The following DGKI variants were observed in gnomAD, a reference collection of about 807,000 sequenced individuals.
The protein encoded by DGKI is diacylglycerol kinase iota, also known as DAG kinase iota.
DGKI carries 55 observed loss-of-function variants against 147.5 expected under a neutral mutation model. That is an observed-to-expected ratio of 0.37 (90% confidence interval 0.30 to 0.47). The LOEUF (loss-of-function observed/expected upper bound fraction) is 0.47. Ranked by LOEUF, DGKI falls within the 20% of genes least tolerant of loss-of-function variation. The pLI is 1.00. For missense variants in DGKI, 1,007 were observed against 1,323.8 expected, an observed-to-expected ratio of 0.76 and a Z score of 3.71; for synonymous variants, 469 against 477.1, an observed-to-expected ratio of 0.98 and a Z score of 0.22.
rs1025055611 is a variant in DGKI, at chr7:137,381,211, T to C, written c.*10009A>G. The C allele has an allele frequency of 6.6e-6, 1 of 151,836 alleles. No individual in the cohort carries two copies. Among genetic ancestry groups the C allele is most frequent in the Non-Finnish European group, 1.5e-5 (1 of 67,948 alleles). 9.4% of individuals were successfully genotyped at this position (151,836 alleles called of 1,614,324 possible). On this transcript the variant is annotated 3_prime_UTR_variant, in exon 33 of 33. Transcript: ENST00000614521. ...CAGTGATCAAGATACTTTATATAAA[T>C]AGGAAATGCAAGAAAATTAGGGAAA... is the stretch of plus-strand genomic sequence containing the variant.
intron 1 of DGKI, among the ~76,000 whole-genome samples, chr7:137,823,396 G>GTA (rs947082991): frequency 2.0e-5 from 3 of 152,258 alleles, no homozygotes; most frequent in Admixed American, 1.3e-4. Flanking sequence ...AAGGTAAAAT[G>GTA]TATATATATT....
At chr7:137,582,233 G>A (rs574537201) in intron 14 of DGKI, among the ~76,000 whole-genome samples, 1 of 152,158 alleles carries the variant, frequency 6.6e-6, no homozygotes, top group East Asian at 1.9e-4. Context: ...TATGCTGAAG[G>A]ATATATATTT....
chr7:137,702,628 T>C, intron 1 of DGKI, among the ~76,000 whole-genome samples: 1 of 152,116 alleles, frequency 6.6e-6, no homozygotes, highest in East Asian at 1.9e-4. Flanking sequence ...ATCTCTCAGC[T>C]CCATAGTAGC....
At chr7:137,404,180 T>G (rs2128896931) in intron 30 of DGKI, among the ~76,000 whole-genome samples, 1 of 152,322 alleles carries the variant, frequency 6.6e-6, no homozygotes, top group South Asian at 2.1e-4. Flanking sequence ...AGAGGAATGG[T>G]TTTGCTATGA....
At chr7:137,490,613 C>A (rs1408722449) in intron 21 of DGKI, among the ~76,000 whole-genome samples, 1 of 152,154 alleles carries the variant, frequency 6.6e-6, no homozygotes, top group African/African-American at 2.4e-5. Context: ...CTGACACTTC[C>A]ATTTGGGCCT....
chr7:137,423,973 A>C (rs1812681716), intron 28 of DGKI, among the ~76,000 whole-genome samples: 1 of 152,178 alleles, frequency 6.6e-6, no homozygotes, highest in South Asian at 2.1e-4. Flanking sequence ...CCACCAACCC[A>C]TCATCTACTT....
intron 10 of DGKI, among the ~76,000 whole-genome samples, chr7:137,604,457 G>T (rs1585276878): frequency 6.6e-6 from 1 of 152,124 alleles, no homozygotes; most frequent in East Asian, 1.9e-4. Flanking sequence ...ACTGGCCCCT[G>T]ACTTAGGAGG....
intron 27 of DGKI, among the ~76,000 whole-genome samples, chr7:137,459,286 G>A (rs1045922445): frequency 1.3e-5 from 2 of 152,028 alleles, no homozygotes; most frequent in African/African-American, 4.8e-5. Flanking sequence ...ATCCAACAGA[G>A]CCGGGTCAGT....
At chr7:137,750,307 T>C (rs11521066) in intron 1 of DGKI, among the ~76,000 whole-genome samples, 41,727 of 151,966 alleles carry the variant, frequency 0.27, 5,839 homozygotes, top group Middle Eastern at 0.36. Flanking sequence ...GGTTCAGTGC[T>C]TCAACCTGGC....
At chr7:137,416,039 C>T (rs985472251) in intron 28 of DGKI, among the ~76,000 whole-genome samples, 2 of 151,686 alleles carry the variant, frequency 1.3e-5, no homozygotes, top group African/African-American at 4.8e-5. Flanking sequence ...CCTATGTTCT[C>T]AAGACTGTAT....
At chr7:137,585,475 T>C in intron 13 of DGKI, 129 bp from the exon 14 acceptor site, 1 of 1,079,306 alleles carries the variant, frequency 9.3e-7, no homozygotes, top group Middle Eastern at 2.1e-4. Flanking sequence ...GAAGAGCAAA[T>C]TTTTTACCTT....
Position 137,410,336 on chromosome 7 carries a change from C to T in DGKI, c.2799+1834G>A, listed in dbSNP as rs941821930. 3.9e-5 allele frequency among the ~76,000 whole-genome samples: 6 copies of T among 152,238 alleles called. No homozygotes were observed. The East Asian group carries it at 7.7e-4, about 20-fold the overall frequency. ...AGGAGAATGGCGTGAACCCGGGAGG[C>T]GGAGCTTGCAGTGAGCCGAGATCGT... On this transcript the variant is annotated intron_variant, in intron 29 of 32. Coordinates refer to ENST00000614521, the MANE Select transcript of DGKI (RefSeq NM_001321708.2).
At chr7:137,519,738 A>G (rs1816899668) in intron 21 of DGKI, among the ~76,000 whole-genome samples, 1 of 152,082 alleles carries the variant, frequency 6.6e-6, no homozygotes, top group African/African-American at 2.4e-5. Context: ...AGTAAAGGTT[A>G]GTAGGAGTGA....
At chr7:137,760,156 C>T (rs1027836363) in intron 1 of DGKI, among the ~76,000 whole-genome samples, 4 of 152,094 alleles carry the variant, frequency 2.6e-5, no homozygotes, top group African/African-American at 9.7e-5. Flanking sequence ...ATCTTTCCTG[C>T]GGGCCCTCTC....
At chr7:137,414,582 C>T (rs1189854938) in intron 28 of DGKI, among the ~76,000 whole-genome samples, 1 of 150,484 alleles carries the variant, frequency 6.6e-6, no homozygotes, top group Non-Finnish European at 1.5e-5. Flanking sequence ...CTCACTCTTC[C>T]TTTTATAAAT....
rs904414240 is a variant in DGKI, at chr7:137,619,678, A to T, written c.993+146T>A. 3 of 649,038 alleles carry T rather than the reference A, an allele frequency of 4.6e-6. No homozygotes were observed. The African/African-American group carries it at 5.4e-5, about 12-fold the overall frequency. 40.2% of individuals were successfully genotyped at this position (649,038 alleles called of 1,614,324 possible). A position where few individuals can be genotyped will look rare whatever the true frequency, so the allele number is the denominator to read the frequency against. ...AGTGGGAAAGAGATGGGCCAATGGG[A>T]TGAACTGAGGAAGCTAAGCACAGGG... On this transcript the variant is annotated intron_variant, in intron 8 of 32. Coordinates refer to ENST00000614521, the MANE Select transcript of DGKI (RefSeq NM_001321708.2).
chr7:137,732,279 A>G (rs967819049), intron 1 of DGKI, among the ~76,000 whole-genome samples: 3 of 152,060 alleles, frequency 2.0e-5, no homozygotes, highest in African/African-American at 7.2e-5. Context: ...GAGTTTCCCC[A>G]TGTTGCAGAA....
At chr7:137,486,344 T>C (rs569263611) in intron 22 of DGKI, among the ~76,000 whole-genome samples, 2 of 152,238 alleles carry the variant, frequency 1.3e-5, no homozygotes, top group East Asian at 3.9e-4. Context: ...AAGCTCTACA[T>C]GTGTTAATTT....
chr7:137,675,261 A>C (rs1278344056), intron 3 of DGKI, among the ~76,000 whole-genome samples: 4 of 140,708 alleles, frequency 2.8e-5, no homozygotes, highest in African/African-American at 1.3e-4. Context: ...CCCACCAGTC[A>C]ATCTCTCCAG....
Sources: allele counts gnomAD v4.1 joint callset (sites outside exome capture counted in the v4.1 genomes callset), GRCh38; gene constraint gnomAD v4.1.1; transcripts MANE v1.5; gene names NCBI Gene and HGNC (gene_info 2026-07-23, HGNC 2026-07-21).